ZFP64: variants seen among roughly 807,000 people sequenced by gnomAD.
The protein encoded by ZFP64 is ZFP64 zinc finger protein, also known as zinc finger protein 64.
In ZFP64, 14 loss-of-function variants were observed where a neutral mutation model predicts 51.6. The ratio of observed to expected loss-of-function variants is 0.27; its 90% confidence interval spans 0.18 to 0.42. The LOEUF (loss-of-function observed/expected upper bound fraction) is 0.42, where lower values mean the gene tolerates loss of function less well. Among genes scored for constraint, ZFP64 ranks in the 10% least tolerant of loss-of-function variants. The pLI is 1.00. For missense variants in ZFP64, 754 were observed against 906.8 expected (o/e 0.83, Z 2.16); for synonymous variants, 375 against 361.4 (o/e 1.04, Z -0.43).
At chr20:52,119,514 T>A in intron 5 of ZFP64, among the ~76,000 whole-genome samples, 1 of 86,282 alleles carries the variant, frequency 1.2e-5, no homozygotes. Flanking sequence ...AGAGTGAGAC[T>A]TCATCTAAAA....
exon 9 of ZFP64, chr20:52,084,974 C>T (rs747815249): frequency 2.5e-6 from 4 of 1,613,782 alleles, no homozygotes; most frequent in African/African-American, 2.7e-5. Flanking sequence ...GCAGGGCGGC[C>T]GCGCTGGAGC....
chr20:52,094,186 T>C (rs1349290380), intron 7 of ZFP64, among the ~76,000 whole-genome samples: 5 of 152,178 alleles, frequency 3.3e-5, no homozygotes, highest in Non-Finnish European at 1.5e-5. Flanking sequence ...CAGTTGTCAC[T>C]GAGGTTGACA....
intron 7 of ZFP64, among the ~76,000 whole-genome samples, chr20:52,093,315 A>AT (rs1214122653): frequency 6.6e-6 from 1 of 151,874 alleles, no homozygotes; most frequent in East Asian, 1.9e-4. Flanking sequence ...TAATATTTGT[A>AT]TTTTTAGTAG....
rs1372863176 is a variant in ZFP64 at position 52,191,448 on chromosome 20, G to A, written c.46+143C>T. On this transcript the variant is annotated intron_variant, in intron 1 of 5. Transcript: ENST00000216923. This position sits in a 1 kb window ranked among gnomAD's most constrained non-coding sequence, Gnocchi z 4.3. Reference sequence around the variant, plus strand: ...GCGCCCCCTGCACAGCGCGCCCGCCGCGGTCCCCGAGACGCGGCTCCGAGC... The same window carrying A: ...GCGCCCCCTGCACAGCGCGCCCGCCACGGTCCCCGAGACGCGGCTCCGAGC... 1.5e-5 allele frequency: 16 copies of A among 1,097,840 alleles called. No homozygotes were observed. Among genetic ancestry groups the A allele is most frequent in the African/African-American group, 1.3e-4 (8 of 59,970 alleles). The allele number at this position is 1,097,840 out of a possible 1,614,324, so 68.0% of individuals were successfully genotyped here.
intron 5 of ZFP64, chr20:52,105,237 T>G: frequency 2.2e-6 from 3 of 1,338,606 alleles, no homozygotes; most frequent in Non-Finnish European, 2.9e-6. Context: ...CGCCGCGACA[T>G]GGCGCGAGGA....
intron 5 of ZFP64, among the ~76,000 whole-genome samples, chr20:52,145,886 AAATT>A (rs1417777431): frequency 6.6e-6 from 1 of 152,198 alleles, no homozygotes; most frequent in Non-Finnish European, 1.5e-5. Flanking sequence ...CTTCAGTAGT[AAATT>A]AAGTATAGCT....
intron 7 of ZFP64, among the ~76,000 whole-genome samples, chr20:52,094,509 C>T (rs1005243096): frequency 4.6e-5 from 7 of 152,142 alleles, no homozygotes; most frequent in African/African-American, 1.7e-4. Flanking sequence ...GCCTGTAATC[C>T]CAGCACTTTG....
At chr20:52,135,463 C>T (rs534861753) in intron 5 of ZFP64, among the ~76,000 whole-genome samples, 1 of 152,236 alleles carries the variant, frequency 6.6e-6, no homozygotes, top group Admixed American at 6.5e-5. Context: ...GAGTTTTGTA[C>T]TATGGAAATA....
At chr20:52,186,768 C>G (rs972280671) in intron 2 of ZFP64, 64 bp downstream of exon 2, 1 of 1,538,768 alleles carries the variant, frequency 6.5e-7, no homozygotes, top group Non-Finnish European at 8.8e-7. Context: ...TTAACAAGTT[C>G]CATGGACGTG....
intron 3 of ZFP64, 91 bp downstream of exon 3, chr20:52,165,773 T>C (rs1982211581): frequency 6.5e-7 from 1 of 1,545,836 alleles, no homozygotes; most frequent in African/African-American, 1.4e-5. Context: ...AACACATCCA[T>C]GAGCAGTTGT....
chr20:52,123,910 C>G (rs1025475880), intron 5 of ZFP64, among the ~76,000 whole-genome samples: 1 of 151,920 alleles, frequency 6.6e-6, no homozygotes, highest in Non-Finnish European at 1.5e-5. Context: ...CGCTCTGTCA[C>G]CCAGGCTCAA....
intron 5 of ZFP64, among the ~76,000 whole-genome samples, chr20:52,136,588 T>G (rs1311526118): frequency 6.6e-6 from 1 of 152,200 alleles, no homozygotes; most frequent in Non-Finnish European, 1.5e-5. Flanking sequence ...CTGTATCTCA[T>G]TCTAGCAACT....
chr20:52,084,350 A>G (rs990438177), exon 9 of ZFP64: 2 of 572,146 alleles, frequency 3.5e-6, no homozygotes, highest in African/African-American at 3.7e-5. Context: ...TGGAGGGAAG[A>G]GACAAATGCG....
downstream of ZFP64, among the ~76,000 whole-genome samples, chr20:52,147,082 T>C (rs752241716): frequency 6.6e-6 from 1 of 152,256 alleles, no homozygotes; most frequent in Non-Finnish European, 1.5e-5. Flanking sequence ...CAGTATTTTA[T>C]ATGAACTTAT....
chr20:52,138,050 TAAATAAGC>T (rs1159393198), intron 5 of ZFP64, among the ~76,000 whole-genome samples: 38 of 124,784 alleles, frequency 3.0e-4, no homozygotes, highest in Admixed American at 1.5e-3. Flanking sequence ...AATAAATAAA[TAAATAAGC>T]AAGCCAGGCA....
intron 5 of ZFP64, among the ~76,000 whole-genome samples, chr20:52,145,186 A>G (rs960695055): frequency 6.6e-6 from 1 of 152,266 alleles, no homozygotes; most frequent in Non-Finnish European, 1.5e-5. Context: ...GACCAGCTGC[A>G]TGTATGTGTA....
intron 2 of ZFP64, among the ~76,000 whole-genome samples, chr20:52,180,599 A>C (rs1280237168): frequency 6.6e-6 from 1 of 151,004 alleles, no homozygotes; most frequent in African/African-American, 2.4e-5. Context: ...CAATTCAATG[A>C]ATATTGACTG....
intron 5 of ZFP64, among the ~76,000 whole-genome samples, chr20:52,128,449 C>A (rs1368287115): frequency 6.6e-6 from 1 of 152,168 alleles, no homozygotes; most frequent in East Asian, 1.9e-4. Context: ...CATTATCTAG[C>A]CTACCATAGC....
chr20:52,097,757 G>A (rs570232475), intron 6 of ZFP64, among the ~76,000 whole-genome samples: 1 of 152,202 alleles, frequency 6.6e-6, no homozygotes, highest in East Asian at 1.9e-4. Flanking sequence ...ACCATGCCTG[G>A]CCTGAAGAAT....
Sources: allele counts gnomAD v4.1 joint callset (sites outside exome capture counted in the v4.1 genomes callset), GRCh38; gene constraint gnomAD v4.1.1; non-coding constraint Gnocchi (gnomAD v3.1); transcripts MANE v1.5; gene names NCBI Gene and HGNC (gene_info 2026-07-23, HGNC 2026-07-21).